The following MDGA2 variants were observed in gnomAD, a reference collection of about 807,000 sequenced individuals.
The protein encoded by MDGA2 is MAM domain-containing glycosylphosphatidylinositol anchor protein 2.
A neutral mutation model predicts 117.8 loss-of-function variants in MDGA2; 40 were observed. That is an observed-to-expected ratio of 0.34 (90% CI 0.26 to 0.44). MDGA2 has a LOEUF of 0.44. MDGA2 is among the 20% of genes least tolerant of loss of function. MDGA2 has a pLI of 1.00. For missense variants in MDGA2, 1,123 were observed against 1,250.6 expected (o/e 0.90, Z 1.54); for synonymous variants, 452 against 439.0 (o/e 1.03, Z -0.37).
At chr14:46,906,010 C>T (rs1206386727) in intron 10 of MDGA2, among the ~76,000 whole-genome samples, 1 of 151,794 alleles carries the variant, frequency 6.6e-6, no homozygotes, top group African/African-American at 2.4e-5. Flanking sequence ...TCAAAACTTA[C>T]AATGGCATGT....
intron 6 of MDGA2, among the ~76,000 whole-genome samples, chr14:47,074,915 T>G (rs1890435245): frequency 6.6e-6 from 1 of 152,238 alleles, no homozygotes; most frequent in Non-Finnish European, 1.5e-5. Flanking sequence ...TTTTATGTGA[T>G]GCAGCACTTC....
At chr14:47,083,069 A>G (rs545729244) in intron 6 of MDGA2, among the ~76,000 whole-genome samples, 45 of 152,106 alleles carry the variant, frequency 3.0e-4, no homozygotes, top group Non-Finnish European at 5.9e-4. Flanking sequence ...ATTAGGACAG[A>G]GCACAAAATA....
intron 8 of MDGA2, among the ~76,000 whole-genome samples, chr14:46,961,498 C>A (rs549736511): frequency 6.6e-6 from 1 of 152,210 alleles, no homozygotes; most frequent in African/African-American, 2.4e-5. Flanking sequence ...GTATTAATTC[C>A]AATAACGTAT....
At chr14:46,990,265 A>G (rs745555875) in intron 8 of MDGA2, among the ~76,000 whole-genome samples, 1 of 152,028 alleles carries the variant, frequency 6.6e-6, no homozygotes, top group Non-Finnish European at 1.5e-5. Context: ...AATATTAGTC[A>G]TAAGAGACTA....
intron 8 of MDGA2, among the ~76,000 whole-genome samples, chr14:46,977,554 CT>C (rs1299271197): frequency 6.6e-6 from 1 of 151,724 alleles, no homozygotes; most frequent in Non-Finnish European, 1.5e-5. Flanking sequence ...AAATATTGGC[CT>C]CCCAGAAATG....
chr14:47,055,137 T>C (rs1428209635), intron 7 of MDGA2, among the ~76,000 whole-genome samples: 1 of 151,924 alleles, frequency 6.6e-6, no homozygotes, highest in East Asian at 1.9e-4. Context: ...GCAAAGGTAG[T>C]CTCACTGTTT....
chr14:46,991,404 TTA>T (rs1887089348), intron 8 of MDGA2, among the ~76,000 whole-genome samples: 1 of 152,152 alleles, frequency 6.6e-6, no homozygotes, highest in African/African-American at 2.4e-5. Flanking sequence ...AAGAGAACAC[TTA>T]TTAAAGAGCA....
rs188790312 is a variant in MDGA2, at chr14:46,920,608, G to A, written c.2090-448C>T. On this transcript the variant is annotated intron_variant, in intron 9 of 16. Transcript: ENST00000399232. ...GAATTTAAATTTAAAGCCAAGAGACGGATATTACCAAGGAAGTGTGAGTAG... is the reference window on the plus strand; with the variant it reads ...GAATTTAAATTTAAAGCCAAGAGACAGATATTACCAAGGAAGTGTGAGTAG... Among the ~76,000 whole-genome samples, 72 of 152,216 alleles carry A rather than the reference G, an allele frequency of 4.7e-4. 2 individuals are homozygous for A. The South Asian group carries it at 8.7e-3, about 18-fold the overall frequency.
In MDGA2 at chr14:46,841,595, AT is replaced by A. The variant is rs1260052422; in HGVS notation, c.*335del. ...GCCATGACTTTGTGCTTTGACAAGG[AT>A]TTCTATAGCTCTTTTTTTTTTCTTT... On this transcript the variant is annotated 3_prime_UTR_variant, in exon 17 of 17. Coordinates refer to ENST00000399232, the MANE Select transcript of MDGA2 (RefSeq NM_001113498.3). 6.4e-6 allele frequency: 1 copy of A among 156,012 alleles called. No individual in the cohort carries two copies. Among genetic ancestry groups the A allele is most frequent in the Non-Finnish European group, 1.4e-5 (1 of 73,790 alleles). 9.7% of individuals were successfully genotyped at this position (156,012 alleles called of 1,614,324 possible). A position where few individuals can be genotyped will look rare whatever the true frequency, so the allele number is the denominator to read the frequency against.
chr14:47,208,574 C>T (rs551948712), intron 3 of MDGA2, among the ~76,000 whole-genome samples: 20 of 145,858 alleles, frequency 1.4e-4, no homozygotes, highest in South Asian at 4.4e-4. Context: ...ACAGAGTTGA[C>T]GGTAGCAGAC....
intron 1 of MDGA2, among the ~76,000 whole-genome samples, chr14:47,456,852 C>T (rs1049346145): frequency 6.0e-4 from 91 of 151,950 alleles, no homozygotes; most frequent in African/African-American, 2.2e-3. Flanking sequence ...ACAAGTAGCA[C>T]TAGGTCTTAC....
At chr14:47,418,295 A>G (rs1892514218) in intron 1 of MDGA2, among the ~76,000 whole-genome samples, 1 of 152,032 alleles carries the variant, frequency 6.6e-6, no homozygotes, top group Non-Finnish European at 1.5e-5. Context: ...CATGGTGGCC[A>G]GGCTGATCTC....
At chr14:47,035,996 G>T (rs759961135) in intron 7 of MDGA2, among the ~76,000 whole-genome samples, 1 of 151,470 alleles carries the variant, frequency 6.6e-6, no homozygotes, top group East Asian at 1.9e-4. Flanking sequence ...TTGGTCTTGC[G>T]CGGTGGCTCA....
chr14:47,402,907 C>A (rs1040521090), intron 1 of MDGA2, among the ~76,000 whole-genome samples: 1 of 152,160 alleles, frequency 6.6e-6, no homozygotes, highest in South Asian at 2.1e-4. Context: ...TCCCTCCTCA[C>A]CTATCTGTGA....
intron 5 of MDGA2, among the ~76,000 whole-genome samples, chr14:47,109,492 A>G (rs578098137): frequency 6.6e-6 from 1 of 152,308 alleles, no homozygotes; most frequent in South Asian, 2.1e-4. Context: ...CATCAGAGTA[A>G]AAAGGGTAGT....
intron 1 of MDGA2, among the ~76,000 whole-genome samples, chr14:47,309,730 G>T (rs1047182715): frequency 6.6e-6 from 1 of 152,004 alleles, no homozygotes; most frequent in Admixed American, 6.6e-5. Context: ...TTTAATTTAA[G>T]TTAAATTTTA....
In MDGA2 at chr14:47,586,258, A is replaced by G. The variant is rs988139324; in HGVS notation, c.280+88259T>C. The stretch of plus-strand genomic sequence containing the variant: ...ACTACTACTACCATAACCCTGACCA[A>G]CAACACAATGTCTTCACACTCTACC... On this transcript the variant is annotated intron_variant, in intron 1 of 16. Transcript: ENST00000399232. 5.9e-5 allele frequency among the ~76,000 whole-genome samples: 9 copies of G among 151,974 alleles called. No homozygotes were observed. The South Asian group carries it at 6.2e-4, about 11-fold the overall frequency.
intron 1 of MDGA2, among the ~76,000 whole-genome samples, chr14:47,425,663 G>A (rs772756156): frequency 1.3e-5 from 2 of 152,104 alleles, no homozygotes; most frequent in Non-Finnish European, 2.9e-5. Context: ...GAGAGTTTCA[G>A]AAAGTAATGT....
rs554503271 is a variant in MDGA2, at chr14:47,528,872, G to A, written c.280+145645C>T. Among the ~76,000 whole-genome samples, 6 of 151,738 alleles carry A rather than the reference G, an allele frequency of 4.0e-5. No individual in the cohort carries two copies. In the South Asian group the frequency reaches 1.0e-3, roughly 26 times the overall value. On this transcript the variant is annotated intron_variant, in intron 1 of 16. Coordinates refer to ENST00000399232, the MANE Select transcript of MDGA2 (RefSeq NM_001113498.3). ...TAAAACAATCTATCTACTACACCAAGAAAATAATCTAAATATCTACTCTCA... is the reference window on the plus strand; with the variant it reads ...TAAAACAATCTATCTACTACACCAAAAAAATAATCTAAATATCTACTCTCA...
Sources: gnomAD v4.1 joint callset for allele counts (sites outside exome capture counted in the v4.1 genomes callset) on GRCh38, gnomAD v4.1.1 for gene constraint, MANE v1.5 for transcripts, NCBI Gene and HGNC (gene_info 2026-07-23, HGNC 2026-07-21) for gene names.